MDH1B: variants seen among roughly 807,000 people sequenced by gnomAD.
MDH1B encodes the protein malate dehydrogenase 1B.
MDH1B carries 60 observed loss-of-function variants against 61.4 expected under a neutral mutation model. The observed-to-expected ratio is 0.98, with a 90% CI of 0.79 to 1.21. The LOEUF (loss-of-function observed/expected upper bound fraction) is 1.21, where lower values mean the gene tolerates loss of function less well. Among genes scored for constraint, MDH1B ranks in the 50% most tolerant of loss-of-function variants. The pLI is 0.00. For missense variants in MDH1B, 587 were observed against 632.1 expected, an observed-to-expected ratio of 0.93 and a Z score of 0.76; for synonymous variants, 236 against 218.7, an observed-to-expected ratio of 1.08 and a Z score of -0.70.
chr2:206,738,205 A>G lies in MDH1B; in HGVS notation c.*278T>C. On this transcript the variant is annotated 3_prime_UTR_variant, in exon 12 of 12. Coordinates refer to ENST00000374412, the MANE Select transcript of MDH1B (RefSeq NM_001039845.3). ...TGTATGGGCAGATGCAATGACTGACAACTCTATTTTAATGTAATATAAAAA... is the reference window on the plus strand; with the variant it reads ...TGTATGGGCAGATGCAATGACTGACGACTCTATTTTAATGTAATATAAAAA... 1 of 280,336 alleles carries G rather than the reference A, an allele frequency of 3.6e-6. No homozygotes were observed. Among genetic ancestry groups the G allele is most frequent in the Non-Finnish European group, 6.6e-6 (1 of 151,226 alleles). 17.4% of individuals were successfully genotyped at this position (280,336 alleles called of 1,614,324 possible).
chr2:206,747,549 TTGAG>T (rs10549363), intron 7 of MDH1B, among the ~76,000 whole-genome samples: 19,011 of 152,132 alleles, frequency 0.12, 1,721 homozygotes, highest in African/African-American at 0.26. Context: ...ACAAGATTGA[TTGAG>T]TGTCTACCAT....
intron 8 of MDH1B, among the ~76,000 whole-genome samples, 194 bp downstream of exon 8, chr2:206,746,093 T>C (rs1688093937): frequency 6.6e-6 from 1 of 152,188 alleles, no homozygotes; most frequent in Admixed American, 6.5e-5. Context: ...CAAATATTTT[T>C]AACATACCAG....
chr2:206,764,290 C>A (rs1689291682), intron 1 of MDH1B, among the ~76,000 whole-genome samples: 3 of 143,504 alleles, frequency 2.1e-5, no homozygotes, highest in African/African-American at 2.6e-5. Flanking sequence ...AAAGTGAGAG[C>A]CTGTCTCAAA....
intron 1 of MDH1B, among the ~76,000 whole-genome samples, chr2:206,762,474 CTTAG>C (rs1236185308): frequency 6.6e-6 from 1 of 152,146 alleles, no homozygotes; most frequent in Non-Finnish European, 1.5e-5. Context: ...AGGAACCTTG[CTTAG>C]TTAATTATCC....
intron 9 of MDH1B, among the ~76,000 whole-genome samples, chr2:206,744,669 G>A (rs1574624181): frequency 6.6e-6 from 1 of 152,202 alleles, no homozygotes; most frequent in East Asian, 1.9e-4. Flanking sequence ...GCTCATGCCT[G>A]TAATCTCATC....
intron 2 of MDH1B, among the ~76,000 whole-genome samples, chr2:206,760,463 C>T (rs1020337240): frequency 1.1e-4 from 16 of 152,120 alleles, no homozygotes; most frequent in African/African-American, 3.6e-4. Flanking sequence ...CCAATCCTGC[C>T]ACCCTCATTC....
chr2:206,755,482 T>C lies in MDH1B; in HGVS notation c.437A>G (p.Asn146Ser), dbSNP rs763777456. ...ITSASAPACYNLIPILTSGEV... is the reference protein window; with the variant it reads ...ITSASAPACYSLIPILTSGEV... ...GCCACTCGTCAATATGGGAATTAGG[T>C]TGTAGCAGGCAGGAGCAGAGGCACT... Residue 146 changes from asparagine (N) to serine (S), a missense_variant, in exon 5 of 12, where the codon AAC (asparagine) becomes AGC (serine). By Grantham distance (46) the Asn-to-Ser change is conservative. Coordinates refer to ENST00000374412, the MANE Select transcript of MDH1B (RefSeq NM_001039845.3). The C allele has an allele frequency of 1.2e-6, 2 of 1,613,522 alleles. No individual in the cohort carries two copies.
Position 206,746,232 on chromosome 2 carries a change from A to C in MDH1B, c.1356+55T>G. ...ACCAATGTATGCCTTGGCCTAGGAG[A>C]ATCAGTTTAAGGTCATTATCAAGGT... On this transcript the variant is annotated intron_variant, in intron 8 of 11. Coordinates refer to ENST00000374412, the MANE Select transcript of MDH1B (RefSeq NM_001039845.3). 5.4e-6 allele frequency: 8 copies of C among 1,481,710 alleles called. No homozygotes were observed. The South Asian group carries it at 1.1e-4, about 21-fold the overall frequency. The allele number at this position is 1,481,710 out of a possible 1,614,324, so 91.8% of individuals were successfully genotyped here. A position where few individuals can be genotyped will look rare whatever the true frequency, so the allele number is the denominator to read the frequency against.
At chr2:206,756,378 GGGGA>G (rs1192987781) in intron 4 of MDH1B, among the ~76,000 whole-genome samples, 1 of 152,114 alleles carries the variant, frequency 6.6e-6, no homozygotes, top group Non-Finnish European at 1.5e-5. Context: ...GAAAGGAGAA[GGGGA>G]GGGAGAGAGA....
Position 206,765,250 on chromosome 2 carries a change from C to G in MDH1B, c.22G>C (p.Gly8Arg). The change falls in exon 1 of 12, where the codon GGT becomes CGT. Residue 8 changes from glycine to arginine, a missense_variant and splice_region_variant. Transcript: ENST00000374412. ...GCGGGCGGACGCGGGGATCACTCAC[C>G]CGCGATGACGAATTTGGCCATGGTC... MAKFVIA[G>R]RADCPYYAKT... 6.2e-7 allele frequency: 1 copy of G among 1,603,088 alleles called. No individual in the cohort carries two copies. The highest frequency in any genetic ancestry group is 8.5e-7 in the Non-Finnish European group (1 of 1,176,494).
intron 9 of MDH1B, 138 bp from the exon 10 acceptor site, chr2:206,741,242 G>C: frequency 3.6e-6 from 4 of 1,106,602 alleles, no homozygotes; most frequent in Non-Finnish European, 5.2e-6. Flanking sequence ...TTACATTATA[G>C]TCCAATGTGT....
intron 7 of MDH1B, among the ~76,000 whole-genome samples, chr2:206,747,018 G>A (rs961864161): frequency 6.6e-6 from 1 of 151,912 alleles, no homozygotes; most frequent in African/African-American, 2.4e-5. Context: ...CTTATATTTG[G>A]ATGTGCTCTA....
intron 5 of MDH1B, among the ~76,000 whole-genome samples, chr2:206,752,747 G>T (rs1325771662): frequency 2.6e-5 from 4 of 151,004 alleles, no homozygotes; most frequent in East Asian, 1.9e-4. Context: ...GAGAATGATA[G>T]TGGACATCTG....
At chr2:206,757,480 T>C in intron 2 of MDH1B, 109 bp from the exon 3 acceptor site, 2 of 887,890 alleles carry the variant, frequency 2.3e-6, no homozygotes, top group Admixed American at 2.5e-5. Flanking sequence ...AATGTCACTA[T>C]ATACACATAA....
chr2:206,746,610 C>T (rs111401429), intron 7 of MDH1B, among the ~76,000 whole-genome samples, 184 bp from the exon 8 acceptor site: 4 of 152,236 alleles, frequency 2.6e-5, no homozygotes, highest in African/African-American at 7.2e-5. Context: ...ATTGACTGAG[C>T]GACTATCCAA....
rs190807713 is a variant in MDH1B at position 206,740,684 on chromosome 2, C to T, written c.1459+370G>A. ...TTAAGGAGAATTCTAACTTGGTTCT[C>T]TCGGTCTTTTCCTCTCACCTGTGTT... is the stretch of plus-strand genomic sequence containing the variant. On this transcript the variant is annotated intron_variant, in intron 10 of 11. Coordinates refer to ENST00000374412, the MANE Select transcript of MDH1B (RefSeq NM_001039845.3). Among the ~76,000 whole-genome samples, 35 of 152,226 alleles carry T rather than the reference C, an allele frequency of 2.3e-4. No homozygotes were observed. In the East Asian group the frequency reaches 6.7e-3, roughly 29 times the overall value.
At chr2:206,764,518 G>A (rs540427705) in intron 1 of MDH1B, among the ~76,000 whole-genome samples, 4 of 152,262 alleles carry the variant, frequency 2.6e-5, no homozygotes, top group South Asian at 2.1e-4. Flanking sequence ...GAAACTTTAC[G>A]AGGAGAGGAG....
At chr2:206,749,242 T>G in intron 6 of MDH1B, 59 bp from the exon 7 acceptor site, 1 of 1,512,210 alleles carries the variant, frequency 6.6e-7, no homozygotes, top group African/African-American at 1.4e-5. Flanking sequence ...AGAAAAAGGA[T>G]GTTCCCTGGC....
intron 1 of MDH1B, among the ~76,000 whole-genome samples, chr2:206,764,297 C>CAA (rs111631549): frequency 0.02 from 2,712 of 132,908 alleles, 35 homozygotes; most frequent in Middle Eastern, 0.033. Flanking sequence ...GAGCCTGTCT[C>CAA]AAAAAAAAAA....
Sources: gnomAD v4.1 joint callset for allele counts (sites outside exome capture counted in the v4.1 genomes callset) on GRCh38, gnomAD v4.1.1 for gene constraint, MANE v1.5 for transcripts, NCBI Gene and HGNC (gene_info 2026-07-23, HGNC 2026-07-21) for gene names.